Variants in CCDC190 observed in about 807,000 individuals in gnomAD.
CCDC190 encodes coiled-coil domain-containing protein 190.
In CCDC190, 10 loss-of-function variants were observed where a neutral mutation model predicts 13.1. The ratio of observed to expected loss-of-function variants is 0.77; its 90% CI spans 0.47 to 1.30. The LOEUF is 1.30. Among genes scored for constraint, CCDC190 ranks in the 50% most tolerant of loss-of-function variants. CCDC190 has a pLI of 0.00. For missense variants in CCDC190, 375 were observed against 354.3 expected (o/e 1.06, Z -0.47); for synonymous variants, 136 against 127.2 (o/e 1.07, Z -0.47).
At position 162,854,973 on chromosome 1, in the gene CCDC190, G is replaced by A; in HGVS notation, c.698C>T (p.Ala233Val). 6.2e-7 allele frequency: 1 copy of A among 1,614,010 alleles called. No individual in the cohort carries two copies. Among genetic ancestry groups the A allele is most frequent in the South Asian group, 1.1e-5 (1 of 91,088 alleles). Residue 233 changes from alanine to valine, a missense_variant, in exon 4 of 4, where the codon GCA becomes GTA. Transcript: ENST00000367912. ...TGTGAACTCGCCTTCGAAGCTTCCT[G>A]CACATTCCATGTGTTTTGGGGGAAT... ...KQIPPKHMEC[A>V]GSFEGEFTKP...
chr1:162,860,965 T>C, intron 1 of CCDC190, 43 bp downstream of exon 1: 1 of 922,298 alleles, frequency 1.1e-6, no homozygotes, highest in Non-Finnish European at 1.3e-6. Context: ...GAGTCTAAAG[T>C]ATAACTAAAC....
At position 162,861,067 on chromosome 1, in the gene CCDC190, G is replaced by T. The variant is rs566986651; in HGVS notation, c.-72C>A. The T allele has an allele frequency of 1.0e-6, 1 of 976,064 alleles. No homozygotes were observed. 60.5% of individuals were successfully genotyped at this position (976,064 alleles called of 1,614,324 possible). ...CTTGTTTCTTTTGCTATGTCAGACT[G>T]AGTCTTGATTAATGAGCTTATTTTT... is the stretch of plus-strand genomic sequence containing the variant. On this transcript the variant is annotated 5_prime_UTR_variant, in exon 1 of 4. Coordinates refer to ENST00000367912, the MANE Select transcript of CCDC190 (RefSeq NM_001394065.1).
Position 162,853,377 on chromosome 1 carries a change from C to T in CCDC190, c.*1388G>A, listed in dbSNP as rs781564610. On this transcript the variant is annotated 3_prime_UTR_variant, in exon 4 of 4. Transcript: ENST00000367912. ...TATTTTGCAAAGAAAACTTTTGCAG[C>T]ATTGTTTTGAGGATCAGTTGGCATG... is the stretch of plus-strand genomic sequence containing the variant. Among the ~76,000 whole-genome samples, 3 of 152,126 alleles carry T rather than the reference C, an allele frequency of 2.0e-5. No homozygotes were observed. The highest frequency in any genetic ancestry group is 4.4e-5 in the Non-Finnish European group (3 of 68,030).
At chr1:162,862,057 C>T (rs1650540204), upstream of CCDC190, among the ~76,000 whole-genome samples, 1 of 152,034 alleles carries the variant, frequency 6.6e-6, no homozygotes, top group African/African-American at 2.4e-5. Context: ...TCCCTCACCT[C>T]CAGAATTTAA....
intron 2 of CCDC190, among the ~76,000 whole-genome samples, 167 bp downstream of exon 2, chr1:162,859,293 T>C (rs1558112370): frequency 6.6e-6 from 1 of 152,204 alleles, no homozygotes; most frequent in African/African-American, 2.4e-5. Flanking sequence ...AGCTATGTAA[T>C]TGACAGGGGA....
Position 162,854,099 on chromosome 1 carries a change from C to T in CCDC190, c.*666G>A. ...ATAGAGTCTGCTATGCATTTGACAGCATGTTGGGAGATGATTAAAAGTTTT... is the reference window on the plus strand; with the variant it reads ...ATAGAGTCTGCTATGCATTTGACAGTATGTTGGGAGATGATTAAAAGTTTT... On this transcript the variant is annotated 3_prime_UTR_variant, in exon 4 of 4. Transcript: ENST00000367912. The T allele has an allele frequency of 2.6e-6, 1 of 378,398 alleles. No individual in the cohort carries two copies. The highest frequency in any genetic ancestry group is 3.6e-6 in the Non-Finnish European group (1 of 275,238). 23.4% of individuals were successfully genotyped at this position (378,398 alleles called of 1,614,324 possible).
chr1:162,854,294 G>T lies in CCDC190; in HGVS notation c.*471C>A, dbSNP rs1022004748. On this transcript the variant is annotated 3_prime_UTR_variant, in exon 4 of 4. Coordinates refer to ENST00000367912, the MANE Select transcript of CCDC190 (RefSeq NM_001394065.1). Reference sequence around the variant, plus strand: ...AAAGGGCTTCCAAAGAGAGCACGTGGGTGTGGTTAAAGAGCAGATTTTCTT... The same window carrying T: ...AAAGGGCTTCCAAAGAGAGCACGTGTGTGTGGTTAAAGAGCAGATTTTCTT... 18 of 986,206 alleles carry T rather than the reference G, an allele frequency of 1.8e-5. No individual in the cohort carries two copies. Among genetic ancestry groups the T allele is most frequent in the Middle Eastern group, 5.2e-4 (1 of 1,936 alleles). The allele number at this position is 986,206 out of a possible 1,614,324, so 61.1% of individuals were successfully genotyped here. A position where few individuals can be genotyped will look rare whatever the true frequency, so the allele number is the denominator to read the frequency against.
upstream of CCDC190, among the ~76,000 whole-genome samples, chr1:162,862,833 C>T (rs1244779920): frequency 6.6e-6 from 1 of 152,136 alleles, no homozygotes; most frequent in African/African-American, 2.4e-5. Flanking sequence ...CTTTTCCACT[C>T]CAAGGGTTGG....
Position 162,859,562 on chromosome 1 carries a change from C to A in CCDC190, c.85G>T (p.Asp29Tyr). 1 of 1,613,924 alleles carries A rather than the reference C, an allele frequency of 6.2e-7. No individual in the cohort carries two copies. The highest frequency in any genetic ancestry group is 8.5e-7 in the Non-Finnish European group (1 of 1,179,872). ...KNAKQAEARL[D>Y]QRLQRLKVIC... ...ACCTTTAGTCTCTGCAGTCTTTGGTCCAGTCTGGCTTCAGCCTGCTTGGCA... is the reference window on the plus strand; with the variant it reads ...ACCTTTAGTCTCTGCAGTCTTTGGTACAGTCTGGCTTCAGCCTGCTTGGCA... The change falls in exon 2 of 4, where the codon GAC becomes TAC. Residue 29 changes from aspartate (D) to tyrosine (Y), a missense_variant. By Grantham distance (160) the Asp-to-Tyr change is radical. Transcript: ENST00000367912.
At position 162,853,166 on chromosome 1, in the gene CCDC190, T is replaced by C. The variant is rs752823386; in HGVS notation, c.*1599A>G. On this transcript the variant is annotated 3_prime_UTR_variant, in exon 4 of 4. Transcript: ENST00000367912. ...CATTGAAGGCCAGAGGCTGGGCTGA[T>C]GAAACTGACTCTCAAATGTTTGATC... 2.6e-6 allele frequency: 4 copies of C among 1,541,622 alleles called. No individual in the cohort carries two copies. Among genetic ancestry groups the C allele is most frequent in the South Asian group, 1.2e-5 (1 of 82,388 alleles).
At chr1:162,868,082 T>TA (rs1650768865) in intron 1 of CCDC190, among the ~76,000 whole-genome samples, 1 of 152,206 alleles carries the variant, frequency 6.6e-6, no homozygotes, top group Admixed American at 6.5e-5. Flanking sequence ...AAGTTGATTT[T>TA]AAAAAAAACT....
rs950076351 is a variant in CCDC190, at chr1:162,851,627, G to A, written c.*3138C>T. 1 of 152,058 alleles carries A rather than the reference G, an allele frequency of 6.6e-6. No homozygotes were observed. Among genetic ancestry groups the A allele is most frequent in the Non-Finnish European group, 1.5e-5 (1 of 68,024 alleles). The allele number at this position is 152,058 out of a possible 1,614,324, so 9.4% of individuals were successfully genotyped here. On this transcript the variant is annotated 3_prime_UTR_variant, in exon 4 of 4. Transcript: ENST00000367912. Reference sequence around the variant, plus strand: ...AGTTTCCAGCTGCCTCTGCCTGTAGGTGAAAAATGGAATCTTTTCCCATTG... The same window carrying A: ...AGTTTCCAGCTGCCTCTGCCTGTAGATGAAAAATGGAATCTTTTCCCATTG...
At chr1:162,858,724 T>G (rs1322180374) in intron 2 of CCDC190, among the ~76,000 whole-genome samples, 2 of 152,234 alleles carry the variant, frequency 1.3e-5, no homozygotes, top group Non-Finnish European at 2.9e-5. Context: ...AATTTTTAAG[T>G]AATATTAAAA....
Position 162,851,095 on chromosome 1 carries a change from C to A in CCDC190, c.*3670G>T, listed in dbSNP as rs927174568. 1.3e-5 allele frequency among the ~76,000 whole-genome samples: 2 copies of A among 152,084 alleles called. No individual in the cohort carries two copies. Among genetic ancestry groups the A allele is most frequent in the East Asian group, 1.9e-4 (1 of 5,190 alleles). On this transcript the variant is annotated 3_prime_UTR_variant, in exon 4 of 4. Coordinates refer to ENST00000367912, the MANE Select transcript of CCDC190 (RefSeq NM_001394065.1). ...GGTTATTATTGTTTATGGTTCTCATCCAGTTTAAAGTCTTTCTTCTCCACC... is the reference window on the plus strand; with the variant it reads ...GGTTATTATTGTTTATGGTTCTCATACAGTTTAAAGTCTTTCTTCTCCACC...
At chr1:162,863,564 A>G (rs1337289951), upstream of CCDC190, among the ~76,000 whole-genome samples, 1 of 152,198 alleles carries the variant, frequency 6.6e-6, no homozygotes, top group Non-Finnish European at 1.5e-5. Flanking sequence ...GAAACAAACC[A>G]GGGAATCATT....
upstream of CCDC190, among the ~76,000 whole-genome samples, chr1:162,864,545 T>C (rs1422999116): frequency 6.6e-6 from 1 of 152,136 alleles, no homozygotes; most frequent in Admixed American, 6.5e-5. Context: ...CAGAAAAATC[T>C]AGTGTGAGAT....
upstream of CCDC190, among the ~76,000 whole-genome samples, chr1:162,865,082 A>G (rs1226859418): frequency 6.6e-6 from 1 of 152,112 alleles, no homozygotes; most frequent in African/African-American, 2.4e-5. Flanking sequence ...TACCATGCTA[A>G]CACTAAATAA....
At position 162,853,696 on chromosome 1, in the gene CCDC190, G is replaced by A. The variant is rs987959456; in HGVS notation, c.*1069C>T. Reference sequence around the variant, plus strand: ...ACTATTGATGCCAGAGATGAAATAGGCCCTCAAGTTTATTCTTCTGGAATT... The same window carrying A: ...ACTATTGATGCCAGAGATGAAATAGACCCTCAAGTTTATTCTTCTGGAATT... On this transcript the variant is annotated 3_prime_UTR_variant, in exon 4 of 4. Coordinates refer to ENST00000367912, the MANE Select transcript of CCDC190 (RefSeq NM_001394065.1). 6.6e-6 allele frequency among the ~76,000 whole-genome samples: 1 copy of A among 152,062 alleles called. No individual in the cohort carries two copies. The highest frequency in any genetic ancestry group is 2.4e-5 in the African/African-American group (1 of 41,390).
At chr1:162,868,082 T>A (rs1216732622) in intron 1 of CCDC190, among the ~76,000 whole-genome samples, 4 of 152,206 alleles carry the variant, frequency 2.6e-5, no homozygotes, top group African/African-American at 9.7e-5. Flanking sequence ...AAGTTGATTT[T>A]AAAAAAAACT....
Sources: gnomAD v4.1 joint callset for allele counts (sites outside exome capture counted in the v4.1 genomes callset) on GRCh38, gnomAD v4.1.1 for gene constraint, MANE v1.5 for transcripts, NCBI Gene and HGNC (gene_info 2026-07-23, HGNC 2026-07-21) for gene names.